MAP3K13: variants seen among roughly 807,000 people sequenced by gnomAD.
MAP3K13 encodes the protein leucine zipper-bearing kinase.
A neutral mutation model predicts 104.0 loss-of-function variants in MAP3K13; 52 were observed. The observed-to-expected ratio is 0.50, with a 90% confidence interval of 0.40 to 0.63. The LOEUF (loss-of-function observed/expected upper bound fraction) is 0.63, where lower values mean the gene tolerates loss of function less well. Among genes scored for constraint, MAP3K13 ranks in the 20% least tolerant of loss-of-function variants. The probability of loss-of-function intolerance (pLI) is 0.00; values close to 1 mark genes in which losing one functional copy is unlikely to be tolerated. For synonymous variants in MAP3K13, 394 were observed against 442.2 expected, an observed-to-expected ratio of 0.89 and a Z score of 1.37; for missense variants, 914 against 1,218.5, an observed-to-expected ratio of 0.75 and a Z score of 3.72.
intron 11 of MAP3K13, among the ~76,000 whole-genome samples, chr3:185,474,028 T>C (rs1297056491): frequency 6.6e-6 from 1 of 152,176 alleles, no homozygotes. Context: ...GATAACTATA[T>C]ACTGGGGATA....
At chr3:185,353,492 G>A (rs574550997) in intron 2 of MAP3K13, among the ~76,000 whole-genome samples, 5 of 152,286 alleles carry the variant, frequency 3.3e-5, no homozygotes, top group Non-Finnish European at 7.4e-5. Context: ...GGCTACGGTC[G>A]GTTTACACCT....
intron 1 of MAP3K13, among the ~76,000 whole-genome samples, chr3:185,382,433 G>A (rs1193552570): frequency 6.6e-6 from 1 of 152,138 alleles, no homozygotes; most frequent in Non-Finnish European, 1.5e-5. Context: ...GTAGTGATAA[G>A]AGACAAGAAA....
intron 2 of MAP3K13, among the ~76,000 whole-genome samples, chr3:185,295,170 T>C (rs1720875126): frequency 2.0e-5 from 3 of 152,166 alleles, no homozygotes; most frequent in Non-Finnish European, 4.4e-5. Context: ...ATGCCATTTT[T>C]TTTTCTTCAG....
At chr3:185,455,104 TGA>T (rs1491499947) in intron 7 of MAP3K13, among the ~76,000 whole-genome samples, 6 of 114,818 alleles carry the variant, frequency 5.2e-5, no homozygotes, top group African/African-American at 1.3e-4. Flanking sequence ...GAGATATATG[TGA>T]GATATATGAG....
At chr3:185,316,199 G>A (rs1014891024) in intron 2 of MAP3K13, among the ~76,000 whole-genome samples, 1 of 152,072 alleles carries the variant, frequency 6.6e-6, no homozygotes, top group African/African-American at 2.4e-5. Flanking sequence ...CACCTCCTGG[G>A]ATGCCAACAT....
intron 1 of MAP3K13, among the ~76,000 whole-genome samples, chr3:185,416,420 T>C (rs1295878597): frequency 6.6e-6 from 1 of 151,908 alleles, no homozygotes; most frequent in Non-Finnish European, 1.5e-5. Context: ...CGTATAATCA[T>C]CTACTCTATG....
chr3:185,351,495 A>G (rs73052883), intron 2 of MAP3K13, among the ~76,000 whole-genome samples: 2,491 of 152,270 alleles, frequency 0.016, 73 homozygotes, highest in African/African-American at 0.057. Flanking sequence ...TTATCCACAG[A>G]TGGGATGATG....
intron 4 of MAP3K13, among the ~76,000 whole-genome samples, chr3:185,446,459 G>T (rs1234667089): frequency 6.6e-6 from 1 of 152,098 alleles, no homozygotes; most frequent in African/African-American, 2.4e-5. Flanking sequence ...GATCATTAAA[G>T]CCTCTGAAAC....
intron 1 of MAP3K13, among the ~76,000 whole-genome samples, chr3:185,385,296 A>G (rs28842501): frequency 0.3 from 46,058 of 151,974 alleles, 7,127 homozygotes; most frequent in African/African-American, 0.36. Context: ...GATTACAGGC[A>G]TGCACCACCA....
chr3:185,341,101 A>G (rs559883467), intron 2 of MAP3K13, among the ~76,000 whole-genome samples: 1 of 152,336 alleles, frequency 6.6e-6, no homozygotes, highest in South Asian at 2.1e-4. Flanking sequence ...CCACAACACC[A>G]AATAGTGTCC....
upstream of MAP3K13, among the ~76,000 whole-genome samples, chr3:185,360,987 C>A (rs935378209): frequency 5.9e-5 from 9 of 151,678 alleles, no homozygotes; most frequent in African/African-American, 2.2e-4. Flanking sequence ...CCACCATGCC[C>A]AGCTAATTTT....
At chr3:185,384,845 G>T (rs1253171960) in intron 1 of MAP3K13, among the ~76,000 whole-genome samples, 1 of 152,026 alleles carries the variant, frequency 6.6e-6, no homozygotes, top group Non-Finnish European at 1.5e-5. Flanking sequence ...TCTGCATATT[G>T]GTCCCTTGTT....
Position 185,363,381 on chromosome 3 carries a change from C to T in MAP3K13, c.-86+13C>T, listed in dbSNP as rs1723726989. 15 of 976,792 alleles carry T rather than the reference C, an allele frequency of 1.5e-5. No individual in the cohort carries two copies. The highest frequency in any genetic ancestry group is 1.8e-5 in the Non-Finnish European group (15 of 822,126). The allele number at this position is 976,792 out of a possible 1,614,324, so 60.5% of individuals were successfully genotyped here. A position where few individuals can be genotyped will look rare whatever the true frequency, so the allele number is the denominator to read the frequency against. On this transcript the variant is annotated intron_variant, in intron 1 of 13. Coordinates refer to ENST00000265026, the MANE Select transcript of MAP3K13 (RefSeq NM_004721.5). ...ATTCTTCGTTGTTGTGAGTATTGCACTCTGTTTTTCCTGTTTCTTCAGTAT... is the reference window on the plus strand; with the variant it reads ...ATTCTTCGTTGTTGTGAGTATTGCATTCTGTTTTTCCTGTTTCTTCAGTAT...
chr3:185,477,243 A>G (rs1443909962), intron 11 of MAP3K13, 83 bp from the exon 12 acceptor site: 1 of 878,214 alleles, frequency 1.1e-6, no homozygotes, highest in Non-Finnish European at 1.9e-6. Flanking sequence ...TGATAATTAC[A>G]TTTTTTACAG....
intron 5 of MAP3K13, 62 bp downstream of exon 5, chr3:185,448,009 C>T: frequency 6.6e-7 from 1 of 1,509,482 alleles, no homozygotes. Flanking sequence ...CCTATTAGCA[C>T]TGTCTTCCTT....
At chr3:185,447,761 G>C in intron 4 of MAP3K13, 28 bp from the exon 5 acceptor site, 5 of 1,565,052 alleles carry the variant, frequency 3.2e-6, no homozygotes, top group Non-Finnish European at 4.3e-6. Context: ...TAATGATCCA[G>C]ATGTTTTCTT....
chr3:185,479,992 C>G (rs1326119941), intron 12 of MAP3K13, among the ~76,000 whole-genome samples: 1 of 152,182 alleles, frequency 6.6e-6, no homozygotes, highest in Non-Finnish European at 1.5e-5. Flanking sequence ...TCCTAAAAGC[C>G]CTATCTCCGA....
intron 3 of MAP3K13, among the ~76,000 whole-genome samples, chr3:185,440,749 C>A (rs1283925212): frequency 1.3e-5 from 2 of 152,194 alleles, no homozygotes; most frequent in Admixed American, 6.5e-5. Context: ...CCTCAAAATT[C>A]TTTCATCACT....
chr3:185,347,227 C>T (rs1045205380), intron 2 of MAP3K13, among the ~76,000 whole-genome samples: 6 of 152,002 alleles, frequency 3.9e-5, no homozygotes, highest in Admixed American at 2.0e-4. Flanking sequence ...CCTTATGATC[C>T]ACCCACCTCA....
Sources: allele counts gnomAD v4.1 joint callset (sites outside exome capture counted in the v4.1 genomes callset), GRCh38; gene constraint gnomAD v4.1.1; transcripts MANE v1.5; gene names NCBI Gene and HGNC (gene_info 2026-07-23, HGNC 2026-07-21).